Variants in HPSE2 observed in about 807,000 individuals in gnomAD.
The protein encoded by HPSE2 is inactive heparanase-2.
In HPSE2, 38 loss-of-function variants were observed where a neutral mutation model predicts 60.5. The ratio of observed to expected loss-of-function variants is 0.63; its 90% CI spans 0.48 to 0.82. HPSE2 has a LOEUF of 0.82. Ranked by LOEUF, HPSE2 falls within the 40% of genes least tolerant of loss-of-function variation. The pLI, the probability that HPSE2 is intolerant of heterozygous loss-of-function variation, is 0.00. For synonymous variants in HPSE2, 295 were observed against 293.2 expected, an observed-to-expected ratio of 1.01 and a Z score of -0.06; for missense variants, 713 against 740.4, an observed-to-expected ratio of 0.96 and a Z score of 0.43.
intron 3 of HPSE2, among the ~76,000 whole-genome samples, chr10:98,779,528 T>C (rs1016162479): frequency 6.6e-6 from 1 of 152,170 alleles, no homozygotes; most frequent in African/African-American, 2.4e-5. Flanking sequence ...AAAGCAGATG[T>C]ATTTACACAC....
At chr10:98,587,968 C>T (rs749697526) in intron 9 of HPSE2, among the ~76,000 whole-genome samples, 11 of 152,188 alleles carry the variant, frequency 7.2e-5, no homozygotes, top group Non-Finnish European at 1.6e-4. Flanking sequence ...TTTTAGCTTT[C>T]ATTCTCTATA....
chr10:99,037,363 T>A (rs1401371171), intron 3 of HPSE2, among the ~76,000 whole-genome samples: 1 of 152,124 alleles, frequency 6.6e-6, no homozygotes, highest in Non-Finnish European at 1.5e-5. Flanking sequence ...CTGATAATCA[T>A]ACCATAGTTA....
the HPSE2 span, among the ~76,000 whole-genome samples, chr10:99,243,954 T>TG: frequency 2.0e-5 from 3 of 152,136 alleles, no homozygotes; most frequent in Non-Finnish European, 4.4e-5. Context: ...AATAAAATAT[T>TG]AATCTCAAAC....
chr10:99,203,591 C>T, intron 2 of HPSE2, among the ~76,000 whole-genome samples: 1 of 152,156 alleles, frequency 6.6e-6, no homozygotes. Flanking sequence ...CCCATCCCAA[C>T]AGACTCCTGC....
chr10:99,146,307 T>C (rs1314493108), intron 2 of HPSE2, among the ~76,000 whole-genome samples: 2 of 152,210 alleles, frequency 1.3e-5, no homozygotes, highest in African/African-American at 2.4e-5. Flanking sequence ...TGGCTTCATC[T>C]ATTATAGAGA....
At position 99,098,216 on chromosome 10, in the gene HPSE2, T is replaced by C. The variant is rs143125068; in HGVS notation, c.610+46022A>G. Among the ~76,000 whole-genome samples, 17 of 152,278 alleles carry C rather than the reference T, an allele frequency of 1.1e-4. 1 individual carries two copies. The East Asian group carries it at 2.9e-3, about 26-fold the overall frequency. ...AGTAACAATACAACAATAAAAATAA[T>C]ATAAATTTAAAAACCAATACAGCAA... On this transcript the variant is annotated intron_variant, in intron 3 of 11. Coordinates refer to ENST00000370552, the MANE Select transcript of HPSE2 (RefSeq NM_021828.5).
chr10:98,988,277 C>G lies in HPSE2; in HGVS notation c.610+155961G>C, dbSNP rs547095493. ...AGGCTACAGTAACCAAAACAGCATG[C>G]TACTGGTACCAAAACAGAGATATAG... On this transcript the variant is annotated intron_variant, in intron 3 of 11. Transcript: ENST00000370552. Among the ~76,000 whole-genome samples the G allele has an allele frequency of 1.0e-3, 154 of 152,208 alleles. No homozygotes were observed. In the Middle Eastern group the frequency reaches 0.014, roughly 14 times the overall value.
chr10:98,467,158 A>C (rs1940570801), intron 11 of HPSE2, among the ~76,000 whole-genome samples: 1 of 152,008 alleles, frequency 6.6e-6, no homozygotes, highest in East Asian at 1.9e-4. Flanking sequence ...GGGTGCTCCC[A>C]CAGGACCCAG....
At chr10:99,081,341 T>G (rs1843129611) in intron 3 of HPSE2, among the ~76,000 whole-genome samples, 1 of 152,196 alleles carries the variant, frequency 6.6e-6, no homozygotes, top group African/African-American at 2.4e-5. Context: ...TCTTCTCCCA[T>G]GTAATGTTTC....
At chr10:99,313,751 C>G in the HPSE2 span, among the ~76,000 whole-genome samples, 17 of 151,914 alleles carry the variant, frequency 1.1e-4, no homozygotes, top group South Asian at 3.5e-3. Context: ...AGGTGACGAC[C>G]AGCATGCCCA....
chr10:98,853,160 T>C (rs1191494520), intron 3 of HPSE2, among the ~76,000 whole-genome samples: 1 of 152,238 alleles, frequency 6.6e-6, no homozygotes, highest in African/African-American at 2.4e-5. Context: ...ATAGGCAATT[T>C]ATGGAAGGCT....
chr10:98,560,621 T>C (rs538907973), intron 9 of HPSE2, among the ~76,000 whole-genome samples: 7 of 152,366 alleles, frequency 4.6e-5, no homozygotes, highest in African/African-American at 1.7e-4. Context: ...TTGCCTCCTT[T>C]AGATCAGTCC....
intron 3 of HPSE2, among the ~76,000 whole-genome samples, chr10:98,875,925 G>C (rs1952865655): frequency 6.6e-6 from 1 of 151,810 alleles, no homozygotes; most frequent in Admixed American, 6.6e-5. Flanking sequence ...ACAGTAGTTA[G>C]GCATTACAGG....
intron 3 of HPSE2, among the ~76,000 whole-genome samples, chr10:99,049,841 C>T (rs550506813): frequency 6.6e-5 from 10 of 152,074 alleles, no homozygotes; most frequent in African/African-American, 2.4e-4. Context: ...TTGCAAATTG[C>T]TTATCTAATA....
At chr10:99,280,334 A>G in the HPSE2 span, among the ~76,000 whole-genome samples, 1 of 152,194 alleles carries the variant, frequency 6.6e-6, no homozygotes, top group Admixed American at 6.6e-5. Flanking sequence ...GTCTGGCCAG[A>G]CCATGAAGGG....
rs79801675 is a variant in HPSE2, at chr10:98,820,192, A to G, written c.611-76136T>C. Among the ~76,000 whole-genome samples, 204 of 152,182 alleles carry G rather than the reference A, an allele frequency of 1.3e-3. 2 individuals are homozygous for G. The East Asian group carries it at 0.032, about 24-fold the overall frequency. On this transcript the variant is annotated intron_variant, in intron 3 of 11. Coordinates refer to ENST00000370552, the MANE Select transcript of HPSE2 (RefSeq NM_021828.5). ...GATACTGAAGACATATTTAACAGACATGTCTTTCCCCCAAGGATTGACTCT... is the reference window on the plus strand; with the variant it reads ...GATACTGAAGACATATTTAACAGACGTGTCTTTCCCCCAAGGATTGACTCT...
At position 98,847,076 on chromosome 10, in the gene HPSE2, C is replaced by T. The variant is rs567561828; in HGVS notation, c.611-103020G>A. Reference sequence around the variant, plus strand: ...CAAGCTATCCTGGCATTGTCTGGCACAGTCATCTCTTCAGTTCACCATTTA... The same window carrying T: ...CAAGCTATCCTGGCATTGTCTGGCATAGTCATCTCTTCAGTTCACCATTTA... On this transcript the variant is annotated intron_variant, in intron 3 of 11. Transcript: ENST00000370552. 2.0e-5 allele frequency among the ~76,000 whole-genome samples: 3 copies of T among 152,322 alleles called. No individual in the cohort carries two copies. In the South Asian group the frequency reaches 6.2e-4, roughly 32 times the overall value.
chr10:98,563,144 C>T (rs501282), intron 9 of HPSE2, among the ~76,000 whole-genome samples: 129,318 of 152,164 alleles, frequency 0.85, 56,209 homozygotes, highest in East Asian at 1. Context: ...TTCATAATAG[C>T]TAAAAAGTGG....
At chr10:99,186,456 T>C (rs148373468) in intron 2 of HPSE2, among the ~76,000 whole-genome samples, 1 of 139,348 alleles carries the variant, frequency 7.2e-6, no homozygotes, top group Non-Finnish European at 1.5e-5. Flanking sequence ...GGTAGAAGAA[T>C]CGTTTGAACC....
Sources: gnomAD v4.1 joint callset for allele counts (sites outside exome capture counted in the v4.1 genomes callset) on GRCh38, gnomAD v4.1.1 for gene constraint, MANE v1.5 for transcripts, NCBI Gene and HGNC (gene_info 2026-07-23, HGNC 2026-07-21) for gene names.